LRRIQ1: variants seen among roughly 807,000 people sequenced by gnomAD.
LRRIQ1 encodes leucine rich repeats and IQ motif containing 1, also known as leucine-rich repeat- and IQ domain-containing protein 1.
In LRRIQ1, 210 loss-of-function variants were observed where a neutral mutation model predicts 211.9. The observed-to-expected ratio is 0.99, with a 90% CI of 0.89 to 1.11. LRRIQ1 has a LOEUF of 1.11. Among genes scored for constraint, LRRIQ1 ranks in the 50% most tolerant of loss-of-function variants. The probability of loss-of-function intolerance (pLI) is 0.00; values close to 1 mark genes in which losing one functional copy is unlikely to be tolerated. For synonymous variants in LRRIQ1, 699 were observed against 650.1 expected (o/e 1.08, Z -1.14); for missense variants, 2,136 against 1,939.5 (o/e 1.10, Z -1.90).
intron 25 of LRRIQ1, among the ~76,000 whole-genome samples, chr12:85,230,527 C>G (rs1219736111): frequency 1.3e-5 from 2 of 152,110 alleles, no homozygotes; most frequent in African/African-American, 4.8e-5. Context: ...TTTCCAATCT[C>G]TAAGTACAGC....
intron 10 of LRRIQ1, among the ~76,000 whole-genome samples, chr12:85,070,978 T>C (rs1370861741): frequency 6.6e-6 from 1 of 152,002 alleles, no homozygotes; most frequent in Non-Finnish European, 1.5e-5. Context: ...TGAAATAGTT[T>C]ATCTTTGGGA....
intron 19 of LRRIQ1, among the ~76,000 whole-genome samples, chr12:85,138,432 A>C (rs1258646465): frequency 6.6e-6 from 1 of 151,624 alleles, no homozygotes. Context: ...CTGAAAAATT[A>C]TTTTGTAGAA....
At chr12:85,064,635 T>C (rs895165132) in intron 8 of LRRIQ1, among the ~76,000 whole-genome samples, 2 of 151,718 alleles carry the variant, frequency 1.3e-5, no homozygotes, top group Non-Finnish European at 2.9e-5. Context: ...TAAAAAAATA[T>C]ATTATCAGTT....
At chr12:85,237,307 C>T (rs2137233160) in intron 26 of LRRIQ1, among the ~76,000 whole-genome samples, 1 of 152,166 alleles carries the variant, frequency 6.6e-6, no homozygotes, top group African/African-American at 2.4e-5. Flanking sequence ...AGCTTGGAAA[C>T]ACTTTCTGGA....
chr12:85,247,584 A>G (rs926273536), downstream of LRRIQ1, among the ~76,000 whole-genome samples: 1 of 151,576 alleles, frequency 6.6e-6, no homozygotes, highest in Non-Finnish European at 1.5e-5. Flanking sequence ...TGTCTGTAAA[A>G]TGGGAATAGT....
chr12:85,196,035 GACAA>G (rs1338453342), intron 24 of LRRIQ1, among the ~76,000 whole-genome samples: 1 of 151,950 alleles, frequency 6.6e-6, no homozygotes, highest in Admixed American at 6.6e-5. Context: ...ACCAATAACA[GACAA>G]ACAGAGAGCC....
chr12:85,207,727 T>G (rs1306241162), intron 24 of LRRIQ1, among the ~76,000 whole-genome samples: 1 of 152,150 alleles, frequency 6.6e-6, no homozygotes, highest in Non-Finnish European at 1.5e-5. Context: ...TTTAGATTCT[T>G]TTTTTGGGAG....
chr12:85,171,873 T>G (rs1384260575), intron 24 of LRRIQ1, among the ~76,000 whole-genome samples: 1 of 152,170 alleles, frequency 6.6e-6, no homozygotes, highest in Admixed American at 6.6e-5. Context: ...TCTTGGACTT[T>G]TAGCTTCTAC....
At chr12:85,107,684 C>G (rs1020505962) in intron 15 of LRRIQ1, among the ~76,000 whole-genome samples, 1 of 151,774 alleles carries the variant, frequency 6.6e-6, no homozygotes, top group African/African-American at 2.4e-5. Context: ...CTTGAATTAT[C>G]CCAGGAGTTG....
intron 24 of LRRIQ1, among the ~76,000 whole-genome samples, chr12:85,219,597 T>C (rs1894305641): frequency 6.6e-6 from 1 of 152,054 alleles, no homozygotes; most frequent in African/African-American, 2.4e-5. Flanking sequence ...AGTTTTTTTT[T>C]CCCTCTCTGC....
At chr12:85,192,991 A>G (rs1302041051) in intron 24 of LRRIQ1, among the ~76,000 whole-genome samples, 1 of 63,032 alleles carries the variant, frequency 1.6e-5, no homozygotes, top group South Asian at 3.8e-4. Flanking sequence ...ATAATTATAT[A>G]ATATAATATA....
chr12:85,108,718 A>C (rs1163993572), intron 15 of LRRIQ1, among the ~76,000 whole-genome samples: 4 of 152,070 alleles, frequency 2.6e-5, no homozygotes, highest in Non-Finnish European at 5.9e-5. Context: ...GTTTCACATT[A>C]TTTATTGTAC....
chr12:85,104,127 G>C, intron 14 of LRRIQ1, 50 bp downstream of exon 14: 1 of 970,550 alleles, frequency 1.0e-6, no homozygotes, highest in Non-Finnish European at 1.4e-6. Flanking sequence ...TTGACTTTCT[G>C]TTTCAAATAT....
chr12:85,232,905 T>A (rs1418470552), intron 26 of LRRIQ1, 149 bp downstream of exon 26: 34 of 569,782 alleles, frequency 6.0e-5, no homozygotes. Context: ...GTTAAAATAA[T>A]AACATGTTTT....
chr12:85,229,794 A>G (rs1894847027), intron 25 of LRRIQ1, 145 bp downstream of exon 25: 2 of 691,998 alleles, frequency 2.9e-6, no homozygotes. Context: ...GGCCTTTCAT[A>G]TAGAATAGAT....
intron 25 of LRRIQ1, among the ~76,000 whole-genome samples, chr12:85,231,713 A>G (rs1308483723): frequency 6.6e-6 from 1 of 152,162 alleles, no homozygotes; most frequent in Admixed American, 6.5e-5. Context: ...TCTCATGGGA[A>G]CTAATCCAGT....
intron 11 of LRRIQ1, among the ~76,000 whole-genome samples, chr12:85,088,755 G>A (rs544443609): frequency 1.3e-5 from 2 of 152,218 alleles, no homozygotes; most frequent in South Asian, 2.1e-4. Flanking sequence ...TGTTATTGGT[G>A]TAGAGGAATG....
chr12:85,191,861 A>G (rs199673026), intron 24 of LRRIQ1, among the ~76,000 whole-genome samples: 1 of 151,894 alleles, frequency 6.6e-6, no homozygotes, highest in East Asian at 1.9e-4. Context: ...ACAATTCCTT[A>G]ATGACATATG....
chr12:85,045,378 A>G (rs1335407401), intron 4 of LRRIQ1, among the ~76,000 whole-genome samples: 3 of 151,598 alleles, frequency 2.0e-5, no homozygotes, highest in Non-Finnish European at 3.0e-5. Flanking sequence ...CCTTTTACCT[A>G]TTTCTCCTCC....
Sources: allele counts gnomAD v4.1 joint callset (sites outside exome capture counted in the v4.1 genomes callset), GRCh38; gene constraint gnomAD v4.1.1; transcripts MANE v1.5; gene names NCBI Gene and HGNC (gene_info 2026-07-23, HGNC 2026-07-21).